The following MAP3K4 variants were observed in gnomAD, a reference collection of about 807,000 sequenced individuals.
The protein encoded by MAP3K4 is mitogen-activated protein kinase kinase kinase 4, also known as MAP three kinase 1.
A neutral mutation model predicts 185.6 loss-of-function variants in MAP3K4; 67 were observed. The ratio of observed to expected loss-of-function variants is 0.36; its 90% CI spans 0.30 to 0.44. The LOEUF (loss-of-function observed/expected upper bound fraction) is 0.44, where lower values mean the gene tolerates loss of function less well. Ranked by LOEUF, MAP3K4 falls within the 20% of genes least tolerant of loss-of-function variation. The pLI is 1.00. For synonymous variants in MAP3K4, 702 were observed against 710.4 expected (o/e 0.99, Z 0.19); for missense variants, 1,551 against 1,995.1 (o/e 0.78, Z 4.24).
rs1778304983 is a variant in MAP3K4, at chr6:161,110,648, C to T, written c.4396+734C>T. Reference sequence around the variant, plus strand: ...CACATTAACTTAGGAACCGACCTGACTTCTGACCAGGGACAAGACCCAGTG... The same window carrying T: ...CACATTAACTTAGGAACCGACCTGATTTCTGACCAGGGACAAGACCCAGTG... On this transcript the variant is annotated intron_variant, in intron 23 of 26. Transcript: ENST00000392142. The surrounding 1 kb of genome is among the most constrained non-coding windows in gnomAD (Gnocchi z 4.8). Among the ~76,000 whole-genome samples the T allele has an allele frequency of 1.3e-5, 2 of 152,216 alleles. No homozygotes were observed. Among genetic ancestry groups the T allele is most frequent in the South Asian group, 4.1e-4 (2 of 4,836 alleles).
At chr6:161,024,070 G>T (rs1341879276) in intron 1 of MAP3K4, among the ~76,000 whole-genome samples, 1 of 152,042 alleles carries the variant, frequency 6.6e-6, no homozygotes, top group Admixed American at 6.6e-5. Flanking sequence ...GGGTTCAAGC[G>T]ATTCTCTTGC....
At chr6:160,995,834 A>G (rs1780961635) in intron 1 of MAP3K4, among the ~76,000 whole-genome samples, 2 of 152,226 alleles carry the variant, frequency 1.3e-5, no homozygotes, top group African/African-American at 4.8e-5. Context: ...TAAATTGGAT[A>G]TTAAGGCTGA....
At chr6:160,992,159 G>A (rs1780744524) in intron 1 of MAP3K4, 76 bp downstream of exon 1, 2 of 1,423,164 alleles carry the variant, frequency 1.4e-6, no homozygotes, top group Non-Finnish European at 1.8e-6. Context: ...GGGCCCGAGG[G>A]CCTCTGCTTC....
At chr6:161,000,030 A>G (rs1382450533) in intron 1 of MAP3K4, among the ~76,000 whole-genome samples, 2 of 152,196 alleles carry the variant, frequency 1.3e-5, no homozygotes, top group Non-Finnish European at 2.9e-5. Context: ...AGAAGACAGT[A>G]AGATTCTAAC....
Position 161,053,325 on chromosome 6 carries a change from C to A in MAP3K4, c.1707+3346C>A, listed in dbSNP as rs1202832846. 2.0e-5 allele frequency among the ~76,000 whole-genome samples: 3 copies of A among 152,172 alleles called. No homozygotes were observed. The highest frequency in any genetic ancestry group is 4.4e-5 in the Non-Finnish European group (3 of 68,032). ...TAAACGGTCACCTCCCACCAGGCCC[C>A]ACCCCCAACATTGGGGATTACTATT... is the stretch of plus-strand genomic sequence containing the variant. On this transcript the variant is annotated intron_variant, in intron 3 of 26. Transcript: ENST00000392142. This position sits in a 1 kb window ranked among gnomAD's most constrained non-coding sequence, Gnocchi z 4.2.
Position 161,096,888 on chromosome 6 carries a change from T to G in MAP3K4, c.3428-192T>G. ...GAAAACTGTTAATATATAATAGGGC[T>G]TTACTGACTTTTAAAAAGTGACATT... On this transcript the variant is annotated intron_variant, in intron 15 of 26. Coordinates refer to ENST00000392142, the MANE Select transcript of MAP3K4 (RefSeq NM_005922.4). This position sits in a 1 kb window ranked among gnomAD's most constrained non-coding sequence, Gnocchi z 4.9. 2 of 513,892 alleles carry G rather than the reference T, an allele frequency of 3.9e-6. No individual in the cohort carries two copies. Among genetic ancestry groups the G allele is most frequent in the Non-Finnish European group, 7.0e-6 (2 of 287,282 alleles). 31.8% of individuals were successfully genotyped at this position (513,892 alleles called of 1,614,324 possible). A position where few individuals can be genotyped will look rare whatever the true frequency, so the allele number is the denominator to read the frequency against.
Position 161,037,850 on chromosome 6 carries a change from A to T in MAP3K4, c.343+3401A>T, listed in dbSNP as rs1193766456. Among the ~76,000 whole-genome samples, 1 of 152,222 alleles carries T rather than the reference A, an allele frequency of 6.6e-6. No homozygotes were observed. Among genetic ancestry groups the T allele is most frequent in the Admixed American group, 6.5e-5 (1 of 15,286 alleles). On this transcript the variant is annotated intron_variant, in intron 2 of 26. Transcript: ENST00000392142. This position sits in a 1 kb window ranked among gnomAD's most constrained non-coding sequence, Gnocchi z 4.2. ...CCATTTTTAGGACCCTGAGTCTTAG[A>T]TTAAATGATTGTCTCAAGTCGTGTA...
intron 1 of MAP3K4, among the ~76,000 whole-genome samples, chr6:161,011,684 T>G (rs1312114387): frequency 2.6e-5 from 4 of 152,108 alleles, no homozygotes; most frequent in Non-Finnish European, 5.9e-5. Context: ...AATATCTGAG[T>G]CTTGTTTAAC....
intron 23 of MAP3K4, among the ~76,000 whole-genome samples, chr6:161,111,557 T>C (rs1473165316): frequency 1.3e-5 from 2 of 152,230 alleles, no homozygotes; most frequent in African/African-American, 4.8e-5. Context: ...TCTTTTTAAG[T>C]ATCTCTGTGG....
chr6:161,047,206 A>G (rs1326099900), intron 2 of MAP3K4, among the ~76,000 whole-genome samples: 1 of 149,034 alleles, frequency 6.7e-6, no homozygotes, highest in East Asian at 2.0e-4. Context: ...TTTGGGAGAC[A>G]GAGGTGGGAG....
At chr6:161,042,636 G>GT (rs1161898353) in intron 2 of MAP3K4, among the ~76,000 whole-genome samples, 2 of 152,136 alleles carry the variant, frequency 1.3e-5, no homozygotes, top group African/African-American at 4.8e-5. Context: ...CTTAAGGTTG[G>GT]TTTAAGAGAC....
intron 3 of MAP3K4, among the ~76,000 whole-genome samples, chr6:161,060,809 C>T (rs28609813): frequency 2.0e-5 from 3 of 151,796 alleles, no homozygotes; most frequent in Non-Finnish European, 2.9e-5. Context: ...TTAGTAGAGA[C>T]GGGTTTACAC....
Position 161,070,089 on chromosome 6 carries a change from G to A in MAP3K4, c.1708-519G>A, listed in dbSNP as rs936120722. Among the ~76,000 whole-genome samples, 3 of 152,172 alleles carry A rather than the reference G, an allele frequency of 2.0e-5. No homozygotes were observed. The highest frequency in any genetic ancestry group is 4.8e-5 in the African/African-American group (2 of 41,446). The stretch of plus-strand genomic sequence containing the variant: ...TAACGATTTTTTAATTTTTCTGTCA[G>A]CATCGTTCATTACAGCTCAGGGGAA... On this transcript the variant is annotated intron_variant, in intron 3 of 26. Transcript: ENST00000392142. The surrounding 1 kb of genome is among the most constrained non-coding windows in gnomAD (Gnocchi z 4.5).
intron 17 of MAP3K4, among the ~76,000 whole-genome samples, chr6:161,099,910 A>G (rs956597774): frequency 1.3e-5 from 2 of 152,308 alleles, no homozygotes; most frequent in African/African-American, 2.4e-5. Context: ...TTCATCTTAA[A>G]CGCTTATCAG....
intron 1 of MAP3K4, among the ~76,000 whole-genome samples, chr6:161,030,785 A>T (rs1782890969): frequency 6.6e-6 from 1 of 152,182 alleles, no homozygotes; most frequent in African/African-American, 2.4e-5. Context: ...TTTAAAAGAA[A>T]GTTTCTTTAA....
At position 161,108,449 on chromosome 6, in the gene MAP3K4, G is replaced by C. The variant is rs1778203250; in HGVS notation, c.4120-294G>C. 6.6e-6 allele frequency among the ~76,000 whole-genome samples: 1 copy of C among 152,072 alleles called. No homozygotes were observed. The highest frequency in any genetic ancestry group is 2.4e-5 in the African/African-American group (1 of 41,386). Reference sequence around the variant, plus strand: ...GTGGAAGGAGGAGAGGAGTGGAGAGGGGAGGCTCCAGCGTCTTGCACTTGC... The same window carrying C: ...GTGGAAGGAGGAGAGGAGTGGAGAGCGGAGGCTCCAGCGTCTTGCACTTGC... On this transcript the variant is annotated intron_variant, in intron 21 of 26. Coordinates refer to ENST00000392142, the MANE Select transcript of MAP3K4 (RefSeq NM_005922.4). The surrounding 1 kb of genome is among the most constrained non-coding windows in gnomAD (Gnocchi z 5.7).
At chr6:161,021,423 C>T (rs1210974203) in intron 1 of MAP3K4, among the ~76,000 whole-genome samples, 1 of 152,240 alleles carries the variant, frequency 6.6e-6, no homozygotes, top group African/African-American at 2.4e-5. Flanking sequence ...TCTCCTGTCT[C>T]AGATCCTCTG....
rs914257756 is a variant in MAP3K4 at position 161,053,843 on chromosome 6, C to T, written c.1707+3864C>T. Among the ~76,000 whole-genome samples the T allele has an allele frequency of 6.6e-6, 1 of 152,162 alleles. No homozygotes were observed. Among genetic ancestry groups the T allele is most frequent in the East Asian group, 1.9e-4 (1 of 5,184 alleles). On this transcript the variant is annotated intron_variant, in intron 3 of 26. Transcript: ENST00000392142. The surrounding 1 kb of genome is among the most constrained non-coding windows in gnomAD (Gnocchi z 4.2). ...TCCTGACCCCAAATGATCCACCTGC[C>T]TCCGCCTCCCAAAGTGCTGGGATTA...
rs1204557647 is a variant in MAP3K4 at position 161,053,534 on chromosome 6, T to G, written c.1707+3555T>G. Among the ~76,000 whole-genome samples, 1 of 152,254 alleles carries G rather than the reference T, an allele frequency of 6.6e-6. No individual in the cohort carries two copies. Among genetic ancestry groups the G allele is most frequent in the Non-Finnish European group, 1.5e-5 (1 of 68,042 alleles). On this transcript the variant is annotated intron_variant, in intron 3 of 26. Coordinates refer to ENST00000392142, the MANE Select transcript of MAP3K4 (RefSeq NM_005922.4). This position sits in a 1 kb window ranked among gnomAD's most constrained non-coding sequence, Gnocchi z 4.2. ...CCTTTTAACCTCTGCCAAATAATTG[T>G]ACATTTTAAGGGCATACATTTTAGG... is the stretch of plus-strand genomic sequence containing the variant.
Sources: allele counts gnomAD v4.1 joint callset (sites outside exome capture counted in the v4.1 genomes callset), GRCh38; gene constraint gnomAD v4.1.1; non-coding constraint Gnocchi (gnomAD v3.1); transcripts MANE v1.5; gene names NCBI Gene and HGNC (gene_info 2026-07-23, HGNC 2026-07-21).